The following SYDE2 variants were observed in gnomAD, a reference collection of about 807,000 sequenced individuals.
SYDE2 encodes the protein synapse defective Rho GTPase homolog 2.
In SYDE2, 76 loss-of-function variants were observed where a neutral mutation model predicts 91.5. The ratio of observed to expected loss-of-function variants is 0.83; its 90% CI spans 0.69 to 1.01. The LOEUF is 1.01. SYDE2 is among the 50% of genes least tolerant of loss of function. The pLI is 0.00. For missense variants in SYDE2, 1,364 were observed against 1,367.7 expected, an observed-to-expected ratio of 1.00 and a Z score of 0.04; for synonymous variants, 513 against 506.4, an observed-to-expected ratio of 1.01 and a Z score of -0.18.
chr1:85,179,800 T>G (rs1657842435), intron 3 of SYDE2, among the ~76,000 whole-genome samples: 1 of 152,030 alleles, frequency 6.6e-6, no homozygotes, highest in Non-Finnish European at 1.5e-5. Flanking sequence ...TGTCATAAAG[T>G]ACCATACAAA....
chr1:85,200,966 G>T lies in SYDE2; in HGVS notation c.31C>A (p.Arg11=). The T allele has an allele frequency of 7.7e-7, 1 of 1,299,580 alleles. No homozygotes were observed. The highest frequency in any genetic ancestry group is 3.0e-5 in the South Asian group (1 of 33,644). 80.5% of individuals were successfully genotyped at this position (1,299,580 alleles called of 1,614,324 possible). MHDLPPDSGA[R]RGGRGLADHS... ...TCCGCCAAGCCCCTGCCGCCCCGCC[G>T]CGCGCCCGAGTCAGGGGGCAGGTCG... The change falls in exon 1 of 7, where the codon CGG becomes AGG. Residue 11 remains arginine (R), a synonymous_variant. Coordinates refer to ENST00000341460, the MANE Select transcript of SYDE2 (RefSeq NM_032184.2).
chr1:85,200,931 G>A lies in SYDE2; in HGVS notation c.66C>T (p.Phe22=), dbSNP rs1157224274. 2.8e-5 allele frequency: 37 copies of A among 1,322,588 alleles called. No homozygotes were observed. The highest frequency in any genetic ancestry group is 3.4e-5 in the Non-Finnish European group (36 of 1,045,886). The allele number at this position is 1,322,588 out of a possible 1,614,324, so 81.9% of individuals were successfully genotyped here. A position where few individuals can be genotyped will look rare whatever the true frequency, so the allele number is the denominator to read the frequency against. Residue 22 remains phenylalanine, a synonymous_variant, in exon 1 of 7, where the codon TTC becomes TTT. Transcript: ENST00000341460. ...GGCCCGGAGCCCGGGCTCCCGCGGG[G>A]AAGCTGTGATCCGCCAAGCCCCTGC... ...RGGRGLADHS[F]PAGARAPGQP...
chr1:85,187,516 G>A (rs61769449), intron 2 of SYDE2, among the ~76,000 whole-genome samples: 1 of 151,018 alleles, frequency 6.6e-6, no homozygotes, highest in African/African-American at 2.4e-5. Context: ...CCATTACTGG[G>A]TATATACCCA....
In SYDE2 at chr1:85,157,552, T is replaced by G. The variant is rs1656910024; in HGVS notation, c.*1198A>C. On this transcript the variant is annotated 3_prime_UTR_variant, in exon 7 of 7. Transcript: ENST00000341460. ...AGATTTATTAAATCTAAGTCACCAG[T>G]GCAGAAATCTGGGTACTTAATCCCT... 6.6e-6 allele frequency: 1 copy of G among 152,144 alleles called. No individual in the cohort carries two copies. Among genetic ancestry groups the G allele is most frequent in the Non-Finnish European group, 1.5e-5 (1 of 67,986 alleles). The allele number at this position is 152,144 out of a possible 1,614,324, so 9.4% of individuals were successfully genotyped here. A position where few individuals can be genotyped will look rare whatever the true frequency, so the allele number is the denominator to read the frequency against.
At chr1:85,184,004 A>G (rs892509757) in intron 2 of SYDE2, among the ~76,000 whole-genome samples, 19 of 152,372 alleles carry the variant, frequency 1.2e-4, no homozygotes, top group Non-Finnish European at 2.6e-4. Flanking sequence ...TATTAAAGCC[A>G]AAATGCTTTG....
Position 85,158,014 on chromosome 1 carries a change from C to A in SYDE2, c.*736G>T, listed in dbSNP as rs563276664. 6 of 152,012 alleles carry A rather than the reference C, an allele frequency of 3.9e-5. No homozygotes were observed. Among genetic ancestry groups the A allele is most frequent in the Non-Finnish European group, 8.8e-5 (6 of 67,992 alleles). The allele number at this position is 152,012 out of a possible 1,614,324, so 9.4% of individuals were successfully genotyped here. On this transcript the variant is annotated 3_prime_UTR_variant, in exon 7 of 7. Transcript: ENST00000341460. ...CATTTGCATTACAAATAAAATTTGA[C>A]CAAAGGATGTTGCAGTGTACCAGGA...
At chr1:85,153,416 C>T (rs1272010959), downstream of SYDE2, 1 of 152,152 alleles carries the variant, frequency 6.6e-6, no homozygotes, top group African/African-American at 2.4e-5. Flanking sequence ...AAGAAAGACT[C>T]CAATTTTGGA....
chr1:85,171,745 C>T (rs1657515452), intron 4 of SYDE2, among the ~76,000 whole-genome samples: 1 of 151,866 alleles, frequency 6.6e-6, no homozygotes, highest in Non-Finnish European at 1.5e-5. Flanking sequence ...AAATGTCCAC[C>T]AGAAAAGGAA....
chr1:85,168,399 T>C (rs1023351978), intron 5 of SYDE2, among the ~76,000 whole-genome samples: 5 of 152,186 alleles, frequency 3.3e-5, no homozygotes, highest in African/African-American at 1.2e-4. Flanking sequence ...TTTAGCCTCA[T>C]CTAGACAAGC....
In SYDE2 at chr1:85,164,861, A is replaced by G. The variant is rs1019656422; in HGVS notation, c.2854-104T>C. ...TAAGCATCTTGTCACTTTTAAAAGG[A>G]TTTTTTTTAAAGATTTGCGTATAAA... On this transcript the variant is annotated intron_variant, in intron 5 of 6. Transcript: ENST00000341460. 7 of 674,278 alleles carry G rather than the reference A, an allele frequency of 1.0e-5. No individual in the cohort carries two copies. The African/African-American group carries it at 1.3e-4, about 13-fold the overall frequency. 41.8% of individuals were successfully genotyped at this position (674,278 alleles called of 1,614,324 possible).
downstream of SYDE2, among the ~76,000 whole-genome samples, chr1:85,156,260 T>C (rs1198548239): frequency 1.3e-5 from 2 of 151,794 alleles, no homozygotes; most frequent in Non-Finnish European, 2.9e-5. Context: ...CTAAAAAACA[T>C]TAGGGGCTGG....
intron 4 of SYDE2, among the ~76,000 whole-genome samples, chr1:85,172,602 T>C (rs1160232168): frequency 1.3e-5 from 2 of 152,188 alleles, no homozygotes; most frequent in South Asian, 2.1e-4. Flanking sequence ...GTCTAAGACA[T>C]TGGACATCAG....
At chr1:85,155,974 A>T (rs1456974512), downstream of SYDE2, among the ~76,000 whole-genome samples, 1 of 152,206 alleles carries the variant, frequency 6.6e-6, no homozygotes, top group Non-Finnish European at 1.5e-5. Flanking sequence ...GGATCAAAAA[A>T]ATTATTAACT....
At position 85,183,214 on chromosome 1, in the gene SYDE2, A is replaced by G. The variant is rs995188736; in HGVS notation, c.1442-14T>C. 1 of 1,522,616 alleles carries G rather than the reference A, an allele frequency of 6.6e-7. No homozygotes were observed. The highest frequency in any genetic ancestry group is 1.4e-5 in the African/African-American group (1 of 71,556). 94.3% of individuals were successfully genotyped at this position (1,522,616 alleles called of 1,614,324 possible). The stretch of plus-strand genomic sequence containing the variant: ...GGATCCCAGAACCTTAAAAGAAAGA[A>G]AGAAAAATACGTTATAAAGCAATAT... On this transcript the variant is annotated splice_polypyrimidine_tract_variant and intron_variant, in intron 2 of 6. Transcript: ENST00000341460.
At chr1:85,194,743 C>A in intron 1 of SYDE2, 1 of 852,144 alleles carries the variant, frequency 1.2e-6, no homozygotes, top group Non-Finnish European at 1.4e-6. Flanking sequence ...CAAGTCAATT[C>A]TGTTTTCTCA....
chr1:85,177,186 T>C (rs1216944638), intron 4 of SYDE2, among the ~76,000 whole-genome samples: 1 of 152,176 alleles, frequency 6.6e-6, no homozygotes. Context: ...TCAAACTTTA[T>C]GGACAATTGC....
chr1:85,190,629 C>T lies in SYDE2; in HGVS notation c.869G>A (p.Trp290Ter). Residue 290 changes from tryptophan to a stop codon, truncating the protein, a stop_gained, in exon 2 of 7, where the codon TGG becomes TAG. Coordinates refer to ENST00000341460, the MANE Select transcript of SYDE2 (RefSeq NM_032184.2). LOFTEE classifies it high-confidence loss of function. ...NSITVSKKRN[W>*]LYQSTLRPLN... ...AGGCCTCAGAGTACTCTGATATAGC[C>T]AATTGCGTTTCTTTGAAACAGTGAT... 1 of 1,613,876 alleles carries T rather than the reference C, an allele frequency of 6.2e-7. No individual in the cohort carries two copies. The highest frequency in any genetic ancestry group is 8.5e-7 in the Non-Finnish European group (1 of 1,179,856).
rs563714533 is a variant in SYDE2 at position 85,158,652 on chromosome 1, A to G, written c.*98T>C. On this transcript the variant is annotated 3_prime_UTR_variant, in exon 7 of 7. Transcript: ENST00000341460. ...TTATTAAAAATTAATTAAAGATTTC[A>G]AGAGTAAAAAAATGAAAACATCGCT... is the stretch of plus-strand genomic sequence containing the variant. The G allele has an allele frequency of 7.5e-5, 43 of 570,172 alleles. No homozygotes were observed. The highest frequency in any genetic ancestry group is 7.4e-4 in the African/African-American group (38 of 51,340). 35.3% of individuals were successfully genotyped at this position (570,172 alleles called of 1,614,324 possible).
chr1:85,160,954 T>C, intron 6 of SYDE2: 1 of 979,636 alleles, frequency 1.0e-6, no homozygotes, highest in Non-Finnish European at 1.2e-6. Flanking sequence ...TAAACTGATA[T>C]TTTATATCTT....
Sources: allele counts gnomAD v4.1 joint callset (sites outside exome capture counted in the v4.1 genomes callset), GRCh38; gene constraint gnomAD v4.1.1; transcripts MANE v1.5; gene names NCBI Gene and HGNC (gene_info 2026-07-23, HGNC 2026-07-21).